LHFPL2: variants seen among roughly 807,000 people sequenced by gnomAD.
The protein encoded by LHFPL2 is LHFPL tetraspan subfamily member 2.
Under a neutral mutation model 17.5 loss-of-function variants are expected in LHFPL2, and 7 were observed. The ratio of observed to expected loss-of-function variants is 0.40; its 90% confidence interval spans 0.23 to 0.75. The LOEUF is 0.75. LHFPL2 is among the 30% of genes least tolerant of loss of function. LHFPL2 has a pLI of 0.37. For missense variants in LHFPL2, 241 were observed against 294.8 expected, an observed-to-expected ratio of 0.82 and a Z score of 1.34; for synonymous variants, 134 against 116.2, an observed-to-expected ratio of 1.15 and a Z score of -0.99.
intron 2 of LHFPL2, among the ~76,000 whole-genome samples, chr5:78,566,822 C>T (rs1399931438): frequency 6.6e-6 from 1 of 152,178 alleles, no homozygotes; most frequent in South Asian, 2.1e-4. Flanking sequence ...TAAACATTTC[C>T]CACAATTTTA....
intron 3 of LHFPL2, among the ~76,000 whole-genome samples, chr5:78,544,958 C>T (rs1373899555): frequency 1.3e-5 from 2 of 152,098 alleles, no homozygotes; most frequent in African/African-American, 4.8e-5. Context: ...GCATTGTAAT[C>T]CCAAGTGGAG....
chr5:78,547,640 C>T (rs904398066), intron 3 of LHFPL2, among the ~76,000 whole-genome samples: 1 of 152,168 alleles, frequency 6.6e-6, no homozygotes, highest in African/African-American at 2.4e-5. Flanking sequence ...AGCACAGTTT[C>T]CACACGTATG....
chr5:78,630,862 C>T (rs1255568762), intron 2 of LHFPL2, among the ~76,000 whole-genome samples: 1 of 152,224 alleles, frequency 6.6e-6, no homozygotes, highest in African/African-American at 2.4e-5. Flanking sequence ...TGACAGTAGT[C>T]TGGCTAGATT....
chr5:78,602,593 C>T (rs1744057698), intron 2 of LHFPL2, among the ~76,000 whole-genome samples: 2 of 152,174 alleles, frequency 1.3e-5, no homozygotes, highest in Non-Finnish European at 2.9e-5. Flanking sequence ...AGGGACCCTT[C>T]ACCATCAACA....
At chr5:78,603,810 C>T (rs1024233842) in intron 2 of LHFPL2, among the ~76,000 whole-genome samples, 1 of 152,158 alleles carries the variant, frequency 6.6e-6, no homozygotes, top group Non-Finnish European at 1.5e-5. Context: ...ACCTCAAATA[C>T]CCTAATTTGG....
intron 2 of LHFPL2, among the ~76,000 whole-genome samples, chr5:78,584,489 T>G (rs540043461): frequency 7.9e-5 from 12 of 152,282 alleles, no homozygotes; most frequent in African/African-American, 2.9e-4. Context: ...GTTTGTGAGT[T>G]TTCCTTCTAA....
At chr5:78,584,487 GT>G (rs1177728451) in intron 2 of LHFPL2, among the ~76,000 whole-genome samples, 1 of 152,140 alleles carries the variant, frequency 6.6e-6, no homozygotes, top group Non-Finnish European at 1.5e-5. Context: ...CTGTTTGTGA[GT>G]TTTCCTTCTA....
chr5:78,518,931 G>T (rs1755367480), intron 3 of LHFPL2, among the ~76,000 whole-genome samples: 1 of 152,216 alleles, frequency 6.6e-6, no homozygotes, highest in East Asian at 1.9e-4. Context: ...TAAAAACAAA[G>T]CAAAAGGCTG....
intron 1 of LHFPL2, among the ~76,000 whole-genome samples, chr5:78,645,686 G>A (rs1029511412): frequency 2.6e-5 from 4 of 152,154 alleles, no homozygotes; most frequent in South Asian, 2.1e-4. Flanking sequence ...GGGTTCAAGC[G>A]ATTCTCCTAC....
At chr5:78,518,487 C>T (rs887422660) in intron 3 of LHFPL2, among the ~76,000 whole-genome samples, 2 of 152,244 alleles carry the variant, frequency 1.3e-5, no homozygotes, top group Non-Finnish European at 1.5e-5. Context: ...ATTCATATTA[C>T]GCTTTGAAAA....
chr5:78,492,338 A>C (rs1487564682), intron 4 of LHFPL2, among the ~76,000 whole-genome samples: 2 of 152,246 alleles, frequency 1.3e-5, no homozygotes, highest in Non-Finnish European at 2.9e-5. Context: ...GCACTTTAAT[A>C]TATTAGGGAC....
At chr5:78,560,568 T>G (rs1354979332) in intron 3 of LHFPL2, among the ~76,000 whole-genome samples, 1 of 152,126 alleles carries the variant, frequency 6.6e-6, no homozygotes, top group East Asian at 1.9e-4. Flanking sequence ...TTTCATATCC[T>G]AGGGAGTGGT....
intron 3 of LHFPL2, among the ~76,000 whole-genome samples, chr5:78,519,169 C>T (rs184792317): frequency 4.0e-5 from 6 of 151,656 alleles, no homozygotes; most frequent in East Asian, 1.9e-4. Context: ...AAGAGAGAGA[C>T]GCGAGGCAAG....
intron 2 of LHFPL2, among the ~76,000 whole-genome samples, chr5:78,590,611 A>AT (rs1455380375): frequency 6.6e-6 from 1 of 152,152 alleles, no homozygotes; most frequent in Non-Finnish European, 1.5e-5. Context: ...TGGACAATTT[A>AT]TTTTTTGAAA....
chr5:78,546,213 G>A (rs1214878325), intron 3 of LHFPL2, among the ~76,000 whole-genome samples: 4 of 152,162 alleles, frequency 2.6e-5, no homozygotes, highest in African/African-American at 9.7e-5. Flanking sequence ...TCTTTTCTAC[G>A]ATAAAGATCA....
At chr5:78,502,796 C>G (rs1405566908) in intron 4 of LHFPL2, among the ~76,000 whole-genome samples, 1 of 152,216 alleles carries the variant, frequency 6.6e-6, no homozygotes, top group Non-Finnish European at 1.5e-5. Context: ...ATTCCTACTA[C>G]AGCAAACCAG....
intron 4 of LHFPL2, among the ~76,000 whole-genome samples, chr5:78,492,126 G>A (rs1754466964): frequency 6.6e-6 from 1 of 152,154 alleles, no homozygotes; most frequent in Middle Eastern, 3.2e-3. Flanking sequence ...CCACTCTGGT[G>A]TACCCTCCAT....
intron 4 of LHFPL2, among the ~76,000 whole-genome samples, chr5:78,496,974 C>T (rs1172104263): frequency 6.6e-6 from 1 of 152,160 alleles, no homozygotes; most frequent in Non-Finnish European, 1.5e-5. Context: ...TTTTGAACTC[C>T]AGATGTGCAT....
At chr5:78,502,628 T>C (rs1754808057) in intron 4 of LHFPL2, among the ~76,000 whole-genome samples, 1 of 152,184 alleles carries the variant, frequency 6.6e-6, no homozygotes, top group African/African-American at 2.4e-5. Flanking sequence ...CCAAAATACA[T>C]TGATAATTCA....
Sources: gnomAD v4.1 joint callset for allele counts (sites outside exome capture counted in the v4.1 genomes callset) on GRCh38, gnomAD v4.1.1 for gene constraint, MANE v1.5 for transcripts, NCBI Gene and HGNC (gene_info 2026-07-23, HGNC 2026-07-21) for gene names.